Variants in KCNH8 observed in about 807,000 individuals in gnomAD.
KCNH8 encodes voltage-gated delayed rectifier potassium channel KCNH8.
A neutral mutation model predicts 103.6 loss-of-function variants in KCNH8; 70 were observed. The ratio of observed to expected loss-of-function variants is 0.68; its 90% CI spans 0.56 to 0.82. KCNH8 has a LOEUF of 0.82. KCNH8 is among the 40% of genes least tolerant of loss of function. The pLI is 0.00. For synonymous variants in KCNH8, 498 were observed against 489.4 expected (o/e 1.02, Z -0.23); for missense variants, 1,217 against 1,329.9 (o/e 0.92, Z 1.32).
intron 1 of KCNH8, among the ~76,000 whole-genome samples, chr3:19,208,604 C>T (rs915933556): frequency 6.6e-6 from 1 of 151,948 alleles, no homozygotes; most frequent in African/African-American, 2.4e-5. Flanking sequence ...AGTCCTTATG[C>T]TCAGATATTT....
intron 1 of KCNH8, among the ~76,000 whole-genome samples, chr3:19,241,723 GAC>G (rs71055059): frequency 0.014 from 2,133 of 147,492 alleles, 27 homozygotes; most frequent in African/African-American, 0.037. Flanking sequence ...TACACACACA[GAC>G]ACACACACAC....
At chr3:19,355,334 A>T (rs1461953409) in intron 5 of KCNH8, among the ~76,000 whole-genome samples, 1 of 152,220 alleles carries the variant, frequency 6.6e-6, no homozygotes, top group Non-Finnish European at 1.5e-5. Flanking sequence ...GTGATTCCTC[A>T]AGGATCTAGA....
chr3:19,500,034 T>G (rs2068540958), intron 11 of KCNH8, among the ~76,000 whole-genome samples: 1 of 152,124 alleles, frequency 6.6e-6, no homozygotes. Flanking sequence ...TGTGCTGTAT[T>G]CAGGAAACCC....
At chr3:19,205,083 A>T (rs1044182857) in intron 1 of KCNH8, among the ~76,000 whole-genome samples, 1 of 151,908 alleles carries the variant, frequency 6.6e-6, no homozygotes, top group Non-Finnish European at 1.5e-5. Flanking sequence ...CCACCCACCC[A>T]CCAAACCAGT....
chr3:19,277,340 A>T (rs1342563659), intron 2 of KCNH8, among the ~76,000 whole-genome samples: 1 of 152,144 alleles, frequency 6.6e-6, no homozygotes, highest in Non-Finnish European at 1.5e-5. Context: ...AGGTGGCAGG[A>T]TCCCTTGAAC....
In KCNH8 at chr3:19,464,724, G is replaced by A. The variant is rs372358942; in HGVS notation, c.2040+7742G>A. On this transcript the variant is annotated intron_variant, in intron 11 of 15. Coordinates refer to ENST00000328405, the MANE Select transcript of KCNH8 (RefSeq NM_144633.3). ...TTTTTAAAATGAGGAAAACGATCAGGCACTTTTCAAGTGGCTGATATCCAA... is the reference window on the plus strand; with the variant it reads ...TTTTTAAAATGAGGAAAACGATCAGACACTTTTCAAGTGGCTGATATCCAA... 8.7e-4 allele frequency among the ~76,000 whole-genome samples: 132 copies of A among 152,140 alleles called. No homozygotes were observed. The South Asian group carries it at 0.027, about 31-fold the overall frequency.
At chr3:19,206,254 G>GATAT (rs148573992) in intron 1 of KCNH8, among the ~76,000 whole-genome samples, 1 of 130,502 alleles carries the variant, frequency 7.7e-6, no homozygotes, top group African/African-American at 3.8e-5. Flanking sequence ...GATATATATA[G>GATAT]ATATATATAT....
intron 10 of KCNH8, among the ~76,000 whole-genome samples, chr3:19,452,700 T>C (rs2067467594): frequency 6.6e-6 from 1 of 152,216 alleles, no homozygotes; most frequent in Non-Finnish European, 1.5e-5. Flanking sequence ...AAGAACCTTG[T>C]ATTTGTAAAC....
chr3:19,289,854 G>A (rs1167660502), intron 3 of KCNH8, among the ~76,000 whole-genome samples: 3 of 152,080 alleles, frequency 2.0e-5, no homozygotes, highest in Non-Finnish European at 4.4e-5. Flanking sequence ...CCATTTTCAC[G>A]ATATTGATTC....
chr3:19,454,339 A>C (rs2067498543), intron 10 of KCNH8, among the ~76,000 whole-genome samples: 1 of 152,028 alleles, frequency 6.6e-6, no homozygotes, highest in Admixed American at 6.6e-5. Flanking sequence ...CTTAACCTTA[A>C]TCATAAAATA....
chr3:19,372,917 T>C (rs1166132122), intron 5 of KCNH8, among the ~76,000 whole-genome samples: 1 of 152,068 alleles, frequency 6.6e-6, no homozygotes, highest in African/African-American at 2.4e-5. Context: ...TTACATTTAT[T>C]GATTTGCGTA....
rs188825188 is a variant in KCNH8 at position 19,216,465 on chromosome 3, T to C, written c.77-37189T>C. ...AGTTATTATCAATATCTACTAGTAA[T>C]TCTTGATACTTCTTCTTAATAGATC... On this transcript the variant is annotated intron_variant, in intron 1 of 15. Coordinates refer to ENST00000328405, the MANE Select transcript of KCNH8 (RefSeq NM_144633.3). 3.9e-5 allele frequency among the ~76,000 whole-genome samples: 6 copies of C among 152,366 alleles called. No homozygotes were observed. The East Asian group carries it at 1.2e-3, about 29-fold the overall frequency.
chr3:19,290,904 A>G (rs1354522852), intron 3 of KCNH8, among the ~76,000 whole-genome samples: 1 of 152,200 alleles, frequency 6.6e-6, no homozygotes, highest in African/African-American at 2.4e-5. Flanking sequence ...GCTATTAATT[A>G]TTGCCTGAAT....
intron 3 of KCNH8, among the ~76,000 whole-genome samples, chr3:19,335,693 G>A (rs1431365656): frequency 6.6e-6 from 1 of 151,276 alleles, no homozygotes; most frequent in Non-Finnish European, 1.5e-5. Flanking sequence ...GACATGAGAT[G>A]GTCTTTTTCT....
chr3:19,198,841 C>T (rs1287374561), intron 1 of KCNH8, among the ~76,000 whole-genome samples: 3 of 151,964 alleles, frequency 2.0e-5, no homozygotes, highest in Non-Finnish European at 4.4e-5. Context: ...GATGAATTAG[C>T]TGTCTCACTA....
At chr3:19,479,483 A>T (rs528095927) in intron 11 of KCNH8, among the ~76,000 whole-genome samples, 68 of 152,136 alleles carry the variant, frequency 4.5e-4, no homozygotes, top group Middle Eastern at 6.3e-3. Flanking sequence ...ATCCTCAAAA[A>T]ATCTCTTCTT....
chr3:19,460,115 C>A (rs184832216), intron 11 of KCNH8, among the ~76,000 whole-genome samples: 1 of 152,138 alleles, frequency 6.6e-6, no homozygotes, highest in Non-Finnish European at 1.5e-5. Flanking sequence ...TTTTCACAGG[C>A]AAACAGTATC....
At chr3:19,287,046 CAA>C (rs1028655431) in intron 3 of KCNH8, among the ~76,000 whole-genome samples, 15 of 150,144 alleles carry the variant, frequency 1.0e-4, no homozygotes, top group African/African-American at 3.7e-4. Flanking sequence ...GTCAGGTGAT[CAA>C]GAGAGAGTTA....
intron 15 of KCNH8, among the ~76,000 whole-genome samples, chr3:19,525,718 T>C (rs1469145428): frequency 6.6e-6 from 1 of 151,952 alleles, no homozygotes; most frequent in East Asian, 1.9e-4. Context: ...AATTATAATT[T>C]AAGAGACGTC....
Sources: allele counts gnomAD v4.1 joint callset (sites outside exome capture counted in the v4.1 genomes callset), GRCh38; gene constraint gnomAD v4.1.1; transcripts MANE v1.5; gene names NCBI Gene and HGNC (gene_info 2026-07-23, HGNC 2026-07-21).